Variants in MSL2 observed in about 807,000 individuals in gnomAD.
MSL2 encodes MSL complex subunit 2, also known as E3 ubiquitin-protein ligase MSL2.
In MSL2, 2 loss-of-function variants were observed where a neutral mutation model predicts 35.8. The ratio of observed to expected loss-of-function variants is 0.06; its 90% confidence interval spans 0.02 to 0.18. The LOEUF is 0.18. Among genes scored for constraint, MSL2 ranks in the 10% least tolerant of loss-of-function variants. The pLI is 1.00. For missense variants in MSL2, 523 were observed against 706.7 expected (o/e 0.74, Z 2.95); for synonymous variants, 296 against 255.7 (o/e 1.16, Z -1.50).
At chr3:136,176,101 T>C (rs1940166091) in intron 1 of MSL2, among the ~76,000 whole-genome samples, 1 of 152,208 alleles carries the variant, frequency 6.6e-6, no homozygotes, top group African/African-American at 2.4e-5. Context: ...AAAAAGTTAG[T>C]ATTTATCATT....
intron 1 of MSL2, among the ~76,000 whole-genome samples, chr3:136,169,358 A>C (rs1220746779): frequency 2.6e-5 from 4 of 151,562 alleles, no homozygotes; most frequent in African/African-American, 9.7e-5. Flanking sequence ...AATGAGGCTA[A>C]CTGGAATATC....
intron 1 of MSL2, among the ~76,000 whole-genome samples, chr3:136,175,163 G>A (rs1467614166): frequency 6.6e-6 from 1 of 152,064 alleles, no homozygotes; most frequent in African/African-American, 2.4e-5. Flanking sequence ...GACCAACATG[G>A]TGAAACCCCA....
chr3:136,165,164 C>A (rs532080026), intron 1 of MSL2, among the ~76,000 whole-genome samples: 7 of 150,970 alleles, frequency 4.6e-5, no homozygotes, highest in African/African-American at 1.7e-4. Flanking sequence ...GCATGAGCCA[C>A]CGCACAAGCC....
At chr3:136,182,583 T>C (rs2108088307) in intron 1 of MSL2, among the ~76,000 whole-genome samples, 1 of 151,784 alleles carries the variant, frequency 6.6e-6, no homozygotes, top group Non-Finnish European at 1.5e-5. Flanking sequence ...TCCCCTGAAT[T>C]GAGAAGCCAG....
chr3:136,195,931 T>C lies in MSL2; in HGVS notation c.-818A>G, dbSNP rs1191640903. 1.8e-6 allele frequency: 1 copy of C among 570,806 alleles called. No individual in the cohort carries two copies. The highest frequency in any genetic ancestry group is 7.8e-5 in the South Asian group (1 of 12,866). The allele number at this position is 570,806 out of a possible 1,614,324, so 35.4% of individuals were successfully genotyped here. ...CGCCCCTCGCGCCTCAGTCGCACAC[T>C]CCGGGGTCACCAGACTCAAGCGCCG... On this transcript the variant is annotated 5_prime_UTR_variant, in exon 1 of 2. Transcript: ENST00000309993.
intron 1 of MSL2, among the ~76,000 whole-genome samples, chr3:136,153,686 A>T (rs1312763591): frequency 4.6e-5 from 7 of 151,954 alleles, no homozygotes; most frequent in Admixed American, 4.6e-4. Context: ...GCTGCTAGGG[A>T]GGCTGAGGCA....
chr3:136,169,544 G>C (rs1429804764), intron 1 of MSL2, among the ~76,000 whole-genome samples: 2 of 151,996 alleles, frequency 1.3e-5, no homozygotes, highest in East Asian at 3.9e-4. Context: ...TGCCTCCCTG[G>C]TTCAAGCAAT....
rs76774694 is a variant in MSL2 at position 136,187,943 on chromosome 3, T to A, written c.142+7029A>T. ...CAGGTGGCCTGTAGAACATATTTTT[T>A]AAAAAAAAGAAAGAAAGAAACGGGT... On this transcript the variant is annotated intron_variant, in intron 1 of 1. Coordinates refer to ENST00000309993, the MANE Select transcript of MSL2 (RefSeq NM_018133.4). 7.4e-3 allele frequency among the ~76,000 whole-genome samples: 1,122 copies of A among 151,640 alleles called. 9 individuals carry two copies. Among genetic ancestry groups the A allele is most frequent in the East Asian group, 0.027 (139 of 5,136 alleles).
intron 1 of MSL2, among the ~76,000 whole-genome samples, chr3:136,167,989 A>G (rs963282778): frequency 1.3e-5 from 2 of 152,216 alleles, no homozygotes; most frequent in Admixed American, 6.5e-5. Context: ...CAGTACCTCA[A>G]TAAAATATGC....
chr3:136,156,014 T>C (rs1347959999), intron 1 of MSL2: 5 of 330,558 alleles, frequency 1.5e-5, no homozygotes, highest in African/African-American at 6.5e-5. Flanking sequence ...CATTTCCTTA[T>C]AGTACCAACT....
At chr3:136,166,398 T>TA (rs1939854981) in intron 1 of MSL2, among the ~76,000 whole-genome samples, 1 of 150,742 alleles carries the variant, frequency 6.6e-6, no homozygotes, top group Non-Finnish European at 1.5e-5. Context: ...AAAAAAAAAG[T>TA]AAGTTTTAAG....
intron 1 of MSL2, among the ~76,000 whole-genome samples, chr3:136,177,671 T>G (rs529236940): frequency 8.3e-6 from 1 of 120,638 alleles, no homozygotes; most frequent in South Asian, 2.7e-4. Flanking sequence ...AGAGCGAGAC[T>G]CCGTCTCATA....
intron 1 of MSL2, among the ~76,000 whole-genome samples, chr3:136,184,062 A>G (rs144265877): frequency 0.15 from 22,537 of 152,028 alleles, 2,049 homozygotes; most frequent in East Asian, 0.27. Context: ...TTGGGAGGCA[A>G]AGGCGGGCGG....
At chr3:136,188,369 G>C (rs1264157923) in intron 1 of MSL2, among the ~76,000 whole-genome samples, 1 of 151,456 alleles carries the variant, frequency 6.6e-6, no homozygotes, top group Non-Finnish European at 1.5e-5. Flanking sequence ...ATGAAGCAGA[G>C]GTTGCAGTGA....
At chr3:136,185,663 G>A (rs945408554) in intron 1 of MSL2, among the ~76,000 whole-genome samples, 4 of 151,410 alleles carry the variant, frequency 2.6e-5, no homozygotes, top group African/African-American at 9.7e-5. Flanking sequence ...GCACCACCAC[G>A]CCCGGCTAAT....
chr3:136,174,985 C>T (rs548133072), intron 1 of MSL2, among the ~76,000 whole-genome samples: 6 of 152,032 alleles, frequency 3.9e-5, no homozygotes, highest in African/African-American at 7.2e-5. Context: ...AGCAATAAAC[C>T]GATGCTGATC....
intron 1 of MSL2, among the ~76,000 whole-genome samples, chr3:136,190,097 T>C (rs1940643074): frequency 6.6e-6 from 1 of 151,918 alleles, no homozygotes; most frequent in South Asian, 2.1e-4. Context: ...AAAAAATTAC[T>C]AATTTTTCTA....
intron 1 of MSL2, among the ~76,000 whole-genome samples, chr3:136,154,183 GA>G (rs973740821): frequency 6.0e-5 from 9 of 150,420 alleles, no homozygotes; most frequent in South Asian, 2.1e-4. Flanking sequence ...AATTCTTCTA[GA>G]AAAAAATACA....
intron 1 of MSL2, among the ~76,000 whole-genome samples, chr3:136,164,360 A>G (rs2108070179): frequency 6.6e-6 from 1 of 152,336 alleles, no homozygotes; most frequent in Non-Finnish European, 1.5e-5. Flanking sequence ...AGAAATGAAA[A>G]TAAGCTGGAA....
Sources: gnomAD v4.1 joint callset for allele counts (sites outside exome capture counted in the v4.1 genomes callset) on GRCh38, gnomAD v4.1.1 for gene constraint, MANE v1.5 for transcripts, NCBI Gene and HGNC (gene_info 2026-07-23, HGNC 2026-07-21) for gene names.